Variants in ACBD6 observed in about 807,000 individuals in gnomAD.
ACBD6 encodes acyl-CoA binding domain containing 6.
In ACBD6, 28 loss-of-function variants were observed where a neutral mutation model predicts 37.2. The ratio of observed to expected loss-of-function variants is 0.75; its 90% confidence interval spans 0.56 to 1.03. The LOEUF (loss-of-function observed/expected upper bound fraction) is 1.03. Ranked by LOEUF, ACBD6 falls within the 50% of genes least tolerant of loss-of-function variation. ACBD6 has a pLI of 0.00. For synonymous variants in ACBD6, 113 were observed against 126.8 expected, an observed-to-expected ratio of 0.89 and a Z score of 0.73; for missense variants, 340 against 337.4, an observed-to-expected ratio of 1.01 and a Z score of -0.06.
In ACBD6 at chr1:180,278,859, T is replaced by C. The variant is rs140382495; in HGVS notation, c.*174+2447A>G. On this transcript the variant is annotated intron_variant, in intron 9 of 13. Transcript: ENST00000642319. Reference sequence around the variant, plus strand: ...AAAAGAAAAAAAAAAGACCCACCCATCCTTATTTATTGCCATATGACTTTG... The same window carrying C: ...AAAAGAAAAAAAAAAGACCCACCCACCCTTATTTATTGCCATATGACTTTG... 3.5e-4 allele frequency: 54 copies of C among 152,160 alleles called. 1 individual carries two copies. The East Asian group carries it at 0.01, about 28-fold the overall frequency. The allele number at this position is 152,160 out of a possible 1,614,324, so 9.4% of individuals were successfully genotyped here. A position where few individuals can be genotyped will look rare whatever the true frequency, so the allele number is the denominator to read the frequency against.
intron 6 of ACBD6, among the ~76,000 whole-genome samples, chr1:180,387,586 AC>A (rs1653893366): frequency 6.6e-6 from 1 of 152,210 alleles, no homozygotes; most frequent in Admixed American, 6.5e-5. Flanking sequence ...AGCTCAGGGT[AC>A]TCATTCAGCA....
chr1:180,281,445 C>T (rs1371081925), intron 8 of ACBD6: 2 of 152,236 alleles, frequency 1.3e-5, no homozygotes, highest in African/African-American at 4.8e-5. Flanking sequence ...CACATTTTAA[C>T]TGATGGCTAA....
chr1:180,300,291 C>T (rs1333949268), intron 7 of ACBD6, among the ~76,000 whole-genome samples: 1 of 152,130 alleles, frequency 6.6e-6, no homozygotes, highest in Non-Finnish European at 1.5e-5. Context: ...TAATAACTGA[C>T]TGCCCACTAA....
At chr1:180,412,173 ATTATT>A (rs913933744) in intron 5 of ACBD6, among the ~76,000 whole-genome samples, 2 of 151,806 alleles carry the variant, frequency 1.3e-5, no homozygotes, top group African/African-American at 4.8e-5. Context: ...AAGACCTGGT[ATTATT>A]TTGTTTCACT....
At chr1:180,296,173 C>A (rs1297720562) in intron 7 of ACBD6, among the ~76,000 whole-genome samples, 1 of 152,122 alleles carries the variant, frequency 6.6e-6, no homozygotes, top group South Asian at 2.1e-4. Flanking sequence ...CCACAACATC[C>A]CCTGAAGCCA....
chr1:180,397,354 A>G (rs1654296535), intron 6 of ACBD6, among the ~76,000 whole-genome samples, 162 bp downstream of exon 6: 1 of 152,216 alleles, frequency 6.6e-6, no homozygotes, highest in Admixed American at 6.5e-5. Flanking sequence ...TTGCGGTGAC[A>G]ACAGTATTAC....
At chr1:180,309,643 A>ACT (rs1249030279) in intron 7 of ACBD6, among the ~76,000 whole-genome samples, 1 of 152,212 alleles carries the variant, frequency 6.6e-6, no homozygotes, top group African/African-American at 2.4e-5. Flanking sequence ...AGAGCAGTGA[A>ACT]CTCTAGACCG....
chr1:180,297,840 G>A (rs1393757837), intron 7 of ACBD6, among the ~76,000 whole-genome samples: 5 of 151,998 alleles, frequency 3.3e-5, no homozygotes, highest in African/African-American at 7.2e-5. Context: ...TCCCGGGTTC[G>A]AGCGATTCTC....
At chr1:180,278,817 T>TGG (rs1649200098) in intron 9 of ACBD6, 7 of 149,960 alleles carry the variant, frequency 4.7e-5, no homozygotes, top group African/African-American at 1.8e-4. Flanking sequence ...TCTCGTTTCC[T>TGG]GGGGAAAAAA....
rs76827111 is a variant in ACBD6, at chr1:180,376,336, C to A, written c.663+21180G>T. ...AGTAATTCCACTTACAGGAATCTAT[C>A]CTGAAGGTACACCTCCAACAACATG... On this transcript the variant is annotated intron_variant, in intron 6 of 7. Coordinates refer to ENST00000367595, the MANE Select transcript of ACBD6 (RefSeq NM_032360.4). Among the ~76,000 whole-genome samples the A allele has an allele frequency of 1.0e-3, 158 of 152,322 alleles. 2 individuals carry two copies. The highest frequency in any genetic ancestry group is 6.8e-3 in the Middle Eastern group (2 of 294).
chr1:180,477,977 T>TAAAAAAAAAA (rs1464945521), intron 3 of ACBD6, among the ~76,000 whole-genome samples: 1 of 122,054 alleles, frequency 8.2e-6, no homozygotes, highest in Admixed American at 8.3e-5. Flanking sequence ...CTCCATCTCT[T>TAAAAAAAAAA]TAAAAAAAAA....
intron 3 of ACBD6, among the ~76,000 whole-genome samples, chr1:180,453,676 G>A (rs1649800819): frequency 6.6e-6 from 1 of 152,194 alleles, no homozygotes; most frequent in Non-Finnish European, 1.5e-5. Context: ...ATCTCCTAAA[G>A]CTGATAAGCA....
chr1:180,423,796 A>T (rs946268966), intron 4 of ACBD6, among the ~76,000 whole-genome samples: 1 of 152,218 alleles, frequency 6.6e-6, no homozygotes, highest in African/African-American at 2.4e-5. Context: ...AATGTAGTTA[A>T]GTTCTAATAA....
intron 6 of ACBD6, among the ~76,000 whole-genome samples, chr1:180,347,784 A>T (rs1652245467): frequency 6.6e-6 from 1 of 152,100 alleles, no homozygotes. Context: ...ATCCTGGCTA[A>T]CACGGTGAAA....
At chr1:180,434,178 AG>A (rs574124935) in intron 3 of ACBD6, among the ~76,000 whole-genome samples, 1 of 152,212 alleles carries the variant, frequency 6.6e-6, no homozygotes, top group Admixed American at 6.5e-5. Flanking sequence ...TTTAGCATTC[AG>A]GAACAACTGA....
In ACBD6 at chr1:180,325,410, C is replaced by T. The variant is rs1034354605; in HGVS notation, c.664-10688G>A. 5.9e-5 allele frequency among the ~76,000 whole-genome samples: 9 copies of T among 152,218 alleles called. No individual in the cohort carries two copies. In the South Asian group the frequency reaches 6.2e-4, roughly 11 times the overall value. On this transcript the variant is annotated intron_variant, in intron 6 of 7. Transcript: ENST00000367595. The stretch of plus-strand genomic sequence containing the variant: ...CCATTTTTCAACTCTAGAATTTCTG[C>T]TTGGTTCTTTTTAATTATTTCAATC...
intron 6 of ACBD6, among the ~76,000 whole-genome samples, chr1:180,365,181 A>G (rs895626443): frequency 6.6e-6 from 1 of 152,246 alleles, no homozygotes; most frequent in Non-Finnish European, 1.5e-5. Flanking sequence ...AGGCAAAAAT[A>G]TAAAAGACTG....
chr1:180,316,279 A>G (rs905619389), intron 6 of ACBD6, among the ~76,000 whole-genome samples: 2 of 151,946 alleles, frequency 1.3e-5, no homozygotes, highest in Non-Finnish European at 1.5e-5. Context: ...ACTCATATCT[A>G]TATTTGTCAG....
intron 6 of ACBD6, among the ~76,000 whole-genome samples, chr1:180,334,292 G>A (rs896312443): frequency 1.3e-5 from 2 of 152,118 alleles, no homozygotes; most frequent in Non-Finnish European, 2.9e-5. Context: ...CACCTCACAC[G>A]GCCGGGTACT....
Sources: allele counts gnomAD v4.1 joint callset (sites outside exome capture counted in the v4.1 genomes callset), GRCh38; gene constraint gnomAD v4.1.1; transcripts MANE v1.5; gene names NCBI Gene and HGNC (gene_info 2026-07-23, HGNC 2026-07-21).